The following ULK4 variants were observed in gnomAD, a reference collection of about 807,000 sequenced individuals.
ULK4 encodes the protein unc-51 like kinase 4, also known as inactive serine/threonine-protein kinase ULK4.
In ULK4, 133 loss-of-function variants were observed where a neutral mutation model predicts 160.6. The observed-to-expected ratio is 0.83, with a 90% CI of 0.72 to 0.96. The LOEUF is 0.96. Ranked by LOEUF, ULK4 falls within the 40% of genes least tolerant of loss-of-function variation. ULK4 has a pLI of 0.00. For synonymous variants in ULK4, 534 were observed against 539.8 expected (o/e 0.99, Z 0.15); for missense variants, 1,580 against 1,499.5 (o/e 1.05, Z -0.89).
intron 21 of ULK4, among the ~76,000 whole-genome samples, chr3:41,766,420 A>G (rs1438771615): frequency 2.0e-5 from 3 of 152,262 alleles, no homozygotes; most frequent in African/African-American, 7.2e-5. Flanking sequence ...TTTATTTTAT[A>G]GATGAGGAAA....
At chr3:41,898,754 T>C (rs769295034) in intron 13 of ULK4, among the ~76,000 whole-genome samples, 1 of 152,254 alleles carries the variant, frequency 6.6e-6, no homozygotes, top group Non-Finnish European at 1.5e-5. Flanking sequence ...GCTTACTTTT[T>C]AGCTAATTTA....
intron 35 of ULK4, among the ~76,000 whole-genome samples, chr3:41,338,909 T>G (rs1395409981): frequency 6.6e-6 from 1 of 151,580 alleles, no homozygotes; most frequent in African/African-American, 2.4e-5. Context: ...AGAGAGTGAA[T>G]CCTCCCTTCT....
chr3:41,408,219 G>C (rs185534194), intron 34 of ULK4, among the ~76,000 whole-genome samples: 471 of 151,890 alleles, frequency 3.1e-3, no homozygotes, highest in African/African-American at 0.011. Context: ...ACGAGGTCAG[G>C]AGATCGAGAC....
At chr3:41,338,651 G>A (rs1201284783) in intron 35 of ULK4, among the ~76,000 whole-genome samples, 1 of 152,120 alleles carries the variant, frequency 6.6e-6, no homozygotes, top group African/African-American at 2.4e-5. Flanking sequence ...AAGATCCAGT[G>A]TACTTTGGAG....
intron 32 of ULK4, among the ~76,000 whole-genome samples, chr3:41,516,484 G>A (rs984210239): frequency 6.6e-6 from 1 of 151,174 alleles, no homozygotes; most frequent in Non-Finnish European, 1.5e-5. Flanking sequence ...ACTCCACAAT[G>A]GAGTACTATT....
intron 35 of ULK4, among the ~76,000 whole-genome samples, chr3:41,371,265 C>T (rs991892996): frequency 3.3e-5 from 5 of 152,218 alleles, no homozygotes; most frequent in East Asian, 1.9e-4. Context: ...AAGAGAGCAG[C>T]GGTTCTCTCA....
At chr3:41,942,979 C>G (rs56679986) in intron 2 of ULK4, among the ~76,000 whole-genome samples, 1 of 151,858 alleles carries the variant, frequency 6.6e-6, no homozygotes, top group Non-Finnish European at 1.5e-5. Flanking sequence ...TTTGGGAGGC[C>G]GAGGCGGGTG....
intron 33 of ULK4, among the ~76,000 whole-genome samples, chr3:41,461,341 G>A (rs575173394): frequency 2.0e-5 from 3 of 152,296 alleles, no homozygotes; most frequent in South Asian, 4.1e-4. Flanking sequence ...TGGAAGGGGT[G>A]ACTTAGGGTT....
chr3:41,391,516 T>C (rs1011354282), intron 35 of ULK4, among the ~76,000 whole-genome samples: 1 of 151,804 alleles, frequency 6.6e-6, no homozygotes, highest in Non-Finnish European at 1.5e-5. Flanking sequence ...TCAAGGAATA[T>C]TTCTTTACTT....
chr3:41,820,446 A>G (rs1346044062), intron 18 of ULK4, among the ~76,000 whole-genome samples: 1 of 152,222 alleles, frequency 6.6e-6, no homozygotes, highest in Non-Finnish European at 1.5e-5. Context: ...GATAAAGAAA[A>G]TGTAGTATAT....
intron 34 of ULK4, among the ~76,000 whole-genome samples, chr3:41,449,940 A>T (rs965792562): frequency 6.7e-6 from 1 of 149,128 alleles, no homozygotes; most frequent in Non-Finnish European, 1.5e-5. Flanking sequence ...ACTGTCAAGG[A>T]CCATCTTTTC....
chr3:41,664,163 A>G (rs1258063132), intron 29 of ULK4, among the ~76,000 whole-genome samples: 1 of 152,202 alleles, frequency 6.6e-6, no homozygotes, highest in African/African-American at 2.4e-5. Flanking sequence ...TCAGTGAGAT[A>G]ATCCATGTAA....
intron 27 of ULK4, among the ~76,000 whole-genome samples, chr3:41,703,532 A>G (rs1388923783): frequency 6.6e-6 from 1 of 152,174 alleles, no homozygotes; most frequent in Non-Finnish European, 1.5e-5. Flanking sequence ...CCTAATCTGA[A>G]ATGTATAAAT....
chr3:41,863,425 TTGG>T (rs1045005415), intron 17 of ULK4, among the ~76,000 whole-genome samples: 10 of 151,080 alleles, frequency 6.6e-5, no homozygotes, highest in Non-Finnish European at 4.4e-5. Flanking sequence ...AAGAGCCCTT[TTGG>T]TGTTCTACCC....
At chr3:41,408,315 C>T (rs2082337138) in intron 34 of ULK4, among the ~76,000 whole-genome samples, 3 of 149,932 alleles carry the variant, frequency 2.0e-5, no homozygotes, top group Non-Finnish European at 4.4e-5. Context: ...GTAGTCCCAG[C>T]TACTGGGGAG....
At chr3:41,343,230 A>G (rs1297422227) in intron 35 of ULK4, among the ~76,000 whole-genome samples, 1 of 152,076 alleles carries the variant, frequency 6.6e-6, no homozygotes, top group Non-Finnish European at 1.5e-5. Flanking sequence ...GAGAAAGTCA[A>G]ACTATCTTTG....
chr3:41,536,884 A>C (rs1407862457), intron 32 of ULK4, among the ~76,000 whole-genome samples: 3 of 152,122 alleles, frequency 2.0e-5, no homozygotes, highest in Non-Finnish European at 4.4e-5. Flanking sequence ...CATTTCTCTA[A>C]AAATGTTTCT....
At chr3:41,439,954 C>CAT (rs1259955624) in intron 34 of ULK4, among the ~76,000 whole-genome samples, 2 of 152,152 alleles carry the variant, frequency 1.3e-5, no homozygotes, top group African/African-American at 2.4e-5. Context: ...CCTAATATTT[C>CAT]ATATTTTTAT....
chr3:41,679,758 A>G (rs1292173147), intron 29 of ULK4, among the ~76,000 whole-genome samples: 1 of 152,206 alleles, frequency 6.6e-6, no homozygotes, highest in African/African-American at 2.4e-5. Context: ...CTATTACTAA[A>G]CTGTGAAGTC....
Sources: gnomAD v4.1 joint callset for allele counts (sites outside exome capture counted in the v4.1 genomes callset) on GRCh38, gnomAD v4.1.1 for gene constraint, MANE v1.5 for transcripts, NCBI Gene and HGNC (gene_info 2026-07-23, HGNC 2026-07-21) for gene names.